GRM3: variants seen among roughly 807,000 people sequenced by gnomAD.
GRM3 encodes the protein glutamate metabotropic receptor 3.
Under a neutral mutation model 70.5 loss-of-function variants are expected in GRM3, and 26 were observed. That is an observed-to-expected ratio of 0.37 (90% CI 0.27 to 0.51). GRM3 has a LOEUF of 0.51. Among genes scored for constraint, GRM3 ranks in the 20% least tolerant of loss-of-function variants. The pLI is 0.93. For synonymous variants in GRM3, 443 were observed against 434.9 expected, an observed-to-expected ratio of 1.02 and a Z score of -0.23; for missense variants, 859 against 1,123.8, an observed-to-expected ratio of 0.76 and a Z score of 3.37.
intron 1 of GRM3, among the ~76,000 whole-genome samples, chr7:86,710,983 A>G (rs985208144): frequency 2.6e-5 from 4 of 152,002 alleles, no homozygotes; most frequent in Non-Finnish European, 2.9e-5. Context: ...TCCATTATTC[A>G]TGCTTTGAAC....
intron 2 of GRM3, 51 bp downstream of exon 2, chr7:86,765,664 G>A (rs1437049220): frequency 6.7e-7 from 1 of 1,500,082 alleles, no homozygotes; most frequent in South Asian, 1.2e-5. Context: ...TTGCTTTTAT[G>A]TGTTGGGGGA....
intron 1 of GRM3, among the ~76,000 whole-genome samples, chr7:86,654,754 C>A (rs1164154320): frequency 6.6e-6 from 1 of 152,218 alleles, no homozygotes; most frequent in Non-Finnish European, 1.5e-5. Context: ...AACCATTTAT[C>A]TCCTTCGTTC....
At chr7:86,845,559 T>G (rs1338019428) in intron 4 of GRM3, among the ~76,000 whole-genome samples, 1 of 152,066 alleles carries the variant, frequency 6.6e-6, no homozygotes, top group Non-Finnish European at 1.5e-5. Flanking sequence ...GTTCCTCCCC[T>G]CTCTGAAGTT....
chr7:86,807,871 G>A (rs1406550744), intron 3 of GRM3, among the ~76,000 whole-genome samples: 2 of 152,100 alleles, frequency 1.3e-5, no homozygotes, highest in Non-Finnish European at 1.5e-5. Context: ...GTACGATATT[G>A]GCTATGGGTT....
intron 1 of GRM3, among the ~76,000 whole-genome samples, chr7:86,703,735 C>T (rs1019459749): frequency 2.0e-5 from 3 of 151,914 alleles, no homozygotes; most frequent in Non-Finnish European, 2.9e-5. Flanking sequence ...GGAAAGTTGA[C>T]GGCACAGTCA....
At chr7:86,721,372 T>C (rs778957867) in intron 1 of GRM3, among the ~76,000 whole-genome samples, 5 of 152,018 alleles carry the variant, frequency 3.3e-5, no homozygotes, top group Non-Finnish European at 5.9e-5. Flanking sequence ...ATTTGACCCC[T>C]AAAAACCTGG....
At chr7:86,849,238 T>C (rs1288816541) in intron 4 of GRM3, among the ~76,000 whole-genome samples, 3 of 152,138 alleles carry the variant, frequency 2.0e-5, no homozygotes, top group Non-Finnish European at 4.4e-5. Context: ...GGCTTTTGCA[T>C]CACAGAATCA....
At chr7:86,655,853 G>GTGTGT (rs1562814701) in intron 1 of GRM3, among the ~76,000 whole-genome samples, 5,577 of 134,512 alleles carry the variant, frequency 0.041, 168 homozygotes, top group East Asian at 0.12. Flanking sequence ...TGTGTGTGTG[G>GTGTGT]GTGGGTGGGT....
intron 1 of GRM3, among the ~76,000 whole-genome samples, chr7:86,758,450 A>G (rs968750555): frequency 1.3e-5 from 2 of 152,160 alleles, no homozygotes; most frequent in African/African-American, 4.8e-5. Context: ...AGAGGCTCTA[A>G]TTCAGAGGCT....
intron 1 of GRM3, among the ~76,000 whole-genome samples, chr7:86,756,943 T>C (rs1796359973): frequency 6.6e-6 from 1 of 152,166 alleles, no homozygotes; most frequent in African/African-American, 2.4e-5. Context: ...TTTTCAAGTT[T>C]ATTATTTTGC....
At chr7:86,692,565 C>T (rs777325818) in intron 1 of GRM3, among the ~76,000 whole-genome samples, 4 of 152,210 alleles carry the variant, frequency 2.6e-5, no homozygotes, top group Non-Finnish European at 5.9e-5. Context: ...CTCTCTCTCT[C>T]ATCACTTTGC....
rs371453726 is a variant in GRM3 at position 86,832,245 on chromosome 7, C to CTT, written c.1325-6573_1325-6572dup. Reference sequence around the variant, plus strand: ...TTGGAGCCATGTTCCTGCTTGTAGCCTTTTTTTTTTTTTTTTTTTTTTGAG... The same window carrying CTT: ...TTGGAGCCATGTTCCTGCTTGTAGCCTTTTTTTTTTTTTTTTTTTTTTTTGAG... On this transcript the variant is annotated intron_variant, in intron 3 of 5. Transcript: ENST00000361669. 2.4e-3 allele frequency among the ~76,000 whole-genome samples: 274 copies of CTT among 112,274 alleles called. 2 individuals are homozygous for CTT. Among genetic ancestry groups the CTT allele is most frequent in the African/African-American group, 4.5e-3 (117 of 25,890 alleles). 73.7% of individuals were successfully genotyped at this position (112,274 alleles called of 152,430 possible).
Position 86,839,662 on chromosome 7 carries a change from G to C in GRM3, c.2148G>C (p.Arg716Ser), listed in dbSNP as rs1282828807. 1.2e-6 allele frequency: 2 copies of C among 1,613,792 alleles called. No homozygotes were observed. The highest frequency in any genetic ancestry group is 1.7e-6 in the Non-Finnish European group (2 of 1,179,830). Residue 716 changes from arginine (R) to serine (S), a missense_variant, in exon 4 of 6, where the codon AGG (arginine) becomes AGC (serine). Physicochemically the swap from Arg to Ser is moderately radical, Grantham distance 110. Transcript: ENST00000361669. The surrounding 1 kb of genome is among the most constrained non-coding windows in gnomAD (Gnocchi z 4.5). ...TCCTGGAGGCCCCAGGCACCAGGAG[G>C]TATACCCTTGCAGAGAAGCGGGAAA... ...WLILEAPGTR[R>S]YTLAEKRETV...
At position 86,786,305 on chromosome 7, in the gene GRM3, C is replaced by A. The variant is rs760168469; in HGVS notation, c.513C>A (p.Tyr171Ter). ...TCTTCCAGATCCCTCAGATCAGCTA[C>A]GCATCCACCAGCGCCAAACTCAGTG... ...LRLFQIPQIS[Y>*]ASTSAKLSDK... Residue 171 changes from tyrosine to a stop codon, truncating the protein, a stop_gained, in exon 3 of 6, where the codon TAC (tyrosine) becomes TAA (stop). Transcript: ENST00000361669. LOFTEE classifies it high-confidence loss of function. The surrounding 1 kb of genome is among the most constrained non-coding windows in gnomAD (Gnocchi z 6.0). 1 of 1,614,030 alleles carries A rather than the reference C, an allele frequency of 6.2e-7. No homozygotes were observed. The highest frequency in any genetic ancestry group is 1.7e-5 in the Admixed American group (1 of 60,010).
chr7:86,668,115 A>G (rs562066792), intron 1 of GRM3, among the ~76,000 whole-genome samples: 34 of 152,220 alleles, frequency 2.2e-4, no homozygotes, highest in Non-Finnish European at 2.8e-4. Context: ...GGTGTGCCTA[A>G]TCTTGTTGCT....
intron 1 of GRM3, among the ~76,000 whole-genome samples, chr7:86,702,148 A>G (rs1202171235): frequency 2.6e-5 from 4 of 152,058 alleles, no homozygotes; most frequent in Admixed American, 6.6e-5. Context: ...ATTCTATTAA[A>G]CAGAAGATAC....
chr7:86,830,424 C>G (rs1299966886), intron 3 of GRM3, among the ~76,000 whole-genome samples: 1 of 152,132 alleles, frequency 6.6e-6, no homozygotes, highest in Non-Finnish European at 1.5e-5. Flanking sequence ...TACGTGAATT[C>G]AAATTTAGTC....
At chr7:86,856,167 G>T (rs778094611) in intron 5 of GRM3, among the ~76,000 whole-genome samples, 1 of 152,150 alleles carries the variant, frequency 6.6e-6, no homozygotes, top group Admixed American at 6.6e-5. Context: ...AAAGAGGCCA[G>T]TCACAGTGAC....
intron 5 of GRM3, among the ~76,000 whole-genome samples, chr7:86,852,013 T>C (rs1032342552): frequency 6.6e-6 from 1 of 152,146 alleles, no homozygotes; most frequent in African/African-American, 2.4e-5. Context: ...TGTGTGTATG[T>C]GTGTGCTGTC....
Sources: allele counts gnomAD v4.1 joint callset (sites outside exome capture counted in the v4.1 genomes callset), GRCh38; gene constraint gnomAD v4.1.1; non-coding constraint Gnocchi (gnomAD v3.1); transcripts MANE v1.5; gene names NCBI Gene and HGNC (gene_info 2026-07-23, HGNC 2026-07-21).